The following ARHGAP32 variants were observed in gnomAD, a reference collection of about 807,000 sequenced individuals.
ARHGAP32 encodes rho GTPase-activating protein 32.
A neutral mutation model predicts 186.5 loss-of-function variants in ARHGAP32; 51 were observed. The observed-to-expected ratio is 0.27, with a 90% CI of 0.22 to 0.35. The LOEUF is 0.35. ARHGAP32 is among the 10% of genes least tolerant of loss of function. The probability of loss-of-function intolerance (pLI) is 1.00; values close to 1 mark genes in which losing one functional copy is unlikely to be tolerated. For missense variants in ARHGAP32, 2,186 were observed against 2,623.5 expected, an observed-to-expected ratio of 0.83 and a Z score of 3.64; for synonymous variants, 950 against 964.3, an observed-to-expected ratio of 0.99 and a Z score of 0.27.
chr11:129,043,335 G>A (rs887961453), intron 10 of ARHGAP32, among the ~76,000 whole-genome samples: 3 of 150,384 alleles, frequency 2.0e-5, no homozygotes, highest in African/African-American at 7.3e-5. Flanking sequence ...TTTCACTTGT[G>A]GTAAAGGCTC....
intron 5 of ARHGAP32, among the ~76,000 whole-genome samples, chr11:129,112,505 T>A (rs1482002836): frequency 6.6e-6 from 1 of 152,110 alleles, no homozygotes; most frequent in Non-Finnish European, 1.5e-5. Flanking sequence ...CACTTTCTCT[T>A]CACTTTCTGG....
intron 5 of ARHGAP32, among the ~76,000 whole-genome samples, chr11:129,102,825 T>C (rs952932660): frequency 6.6e-6 from 1 of 152,124 alleles, no homozygotes; most frequent in Non-Finnish European, 1.5e-5. Context: ...AGGAGAATTA[T>C]TATATGACCT....
chr11:129,265,566 C>T (rs1475564646), intron 1 of ARHGAP32, among the ~76,000 whole-genome samples: 8 of 152,068 alleles, frequency 5.3e-5, no homozygotes, highest in Admixed American at 3.9e-4. Context: ...TGAATCAATC[C>T]CCCACATAGT....
chr11:129,083,431 T>TGG (rs1479810098), intron 6 of ARHGAP32, among the ~76,000 whole-genome samples: 29 of 152,304 alleles, frequency 1.9e-4, no homozygotes, highest in African/African-American at 7.0e-4. Context: ...GCAACCTGGA[T>TGG]GGAGTTGAAG....
At chr11:129,210,352 C>T (rs1442760959) in intron 1 of ARHGAP32, among the ~76,000 whole-genome samples, 1 of 152,168 alleles carries the variant, frequency 6.6e-6, no homozygotes, top group Non-Finnish European at 1.5e-5. Flanking sequence ...GGGAAATTTT[C>T]ACACTGTATT....
chr11:129,248,179 C>T (rs748333325), intron 1 of ARHGAP32, among the ~76,000 whole-genome samples: 5 of 143,614 alleles, frequency 3.5e-5, no homozygotes, highest in Non-Finnish European at 7.5e-5. Flanking sequence ...GGCGTGGTGG[C>T]AGGCACCTGT....
chr11:129,126,174 G>A (rs913818766), intron 2 of ARHGAP32: 9 of 213,332 alleles, frequency 4.2e-5, no homozygotes, highest in African/African-American at 7.1e-5. Flanking sequence ...TAGAAAAAGC[G>A]TTGACAAACT....
intron 5 of ARHGAP32, among the ~76,000 whole-genome samples, chr11:129,117,257 T>TA (rs560537653): frequency 6.6e-6 from 1 of 151,986 alleles, no homozygotes; most frequent in East Asian, 1.9e-4. Flanking sequence ...AGTAAGTTCT[T>TA]AAACTCTTTT....
At chr11:129,065,098 T>G (rs1940641651) in intron 7 of ARHGAP32, among the ~76,000 whole-genome samples, 165 bp from the exon 8 acceptor site, 1 of 152,132 alleles carries the variant, frequency 6.6e-6, no homozygotes, top group Non-Finnish European at 1.5e-5. Flanking sequence ...GGCACTTACA[T>G]AGCAAGTCAG....
intron 9 of ARHGAP32, 60 bp from the exon 10 acceptor site, chr11:129,062,417 A>T: frequency 7.1e-7 from 1 of 1,401,688 alleles, no homozygotes; most frequent in South Asian, 1.2e-5. Context: ...CAATTGTTAT[A>T]CCTAGAATTT....
chr11:129,039,836 A>T (rs532243079), intron 11 of ARHGAP32, among the ~76,000 whole-genome samples: 2 of 152,348 alleles, frequency 1.3e-5, no homozygotes, highest in East Asian at 3.9e-4. Flanking sequence ...TTTTTAAAAA[A>T]GTTTACCCAA....
intron 2 of ARHGAP32, among the ~76,000 whole-genome samples, chr11:129,141,491 A>C (rs1164991387): frequency 6.6e-6 from 1 of 152,128 alleles, no homozygotes; most frequent in Non-Finnish European, 1.5e-5. Flanking sequence ...GGGATGGGGA[A>C]GGGACAGCAT....
At chr11:128,996,867 C>T (rs943401330) in intron 12 of ARHGAP32, among the ~76,000 whole-genome samples, 1 of 152,096 alleles carries the variant, frequency 6.6e-6, no homozygotes, top group African/African-American at 2.4e-5. Context: ...CCGACCCCCA[C>T]CTCCCAAGCT....
intron 11 of ARHGAP32, among the ~76,000 whole-genome samples, chr11:129,015,298 T>C (rs1466924059): frequency 1.3e-5 from 2 of 152,154 alleles, no homozygotes; most frequent in African/African-American, 4.8e-5. Flanking sequence ...GGGGTATGAC[T>C]GCCCTGGAAA....
chr11:129,074,136 A>G (rs1191233441), intron 6 of ARHGAP32, among the ~76,000 whole-genome samples: 1 of 152,248 alleles, frequency 6.6e-6, no homozygotes, highest in Non-Finnish European at 1.5e-5. Flanking sequence ...ACCTGTAGCT[A>G]CATAAAGAAT....
chr11:129,227,074 C>G (rs1380580673), intron 1 of ARHGAP32, among the ~76,000 whole-genome samples: 1 of 151,766 alleles, frequency 6.6e-6, no homozygotes, highest in East Asian at 1.9e-4. Flanking sequence ...TTAACGGGTA[C>G]ATGATGTATA....
chr11:129,235,471 T>G (rs576094935), intron 1 of ARHGAP32, among the ~76,000 whole-genome samples: 1 of 152,332 alleles, frequency 6.6e-6, no homozygotes, highest in East Asian at 1.9e-4. Flanking sequence ...GTTTGCACCA[T>G]TTTTGGTATT....
intron 2 of ARHGAP32, among the ~76,000 whole-genome samples, chr11:129,157,664 T>A (rs1359189122): frequency 2.0e-5 from 3 of 152,050 alleles, no homozygotes; most frequent in African/African-American, 7.2e-5. Context: ...CTTCAAGATA[T>A]TATCCAGGAG....
chr11:129,225,841 G>A (rs909557149), intron 1 of ARHGAP32, among the ~76,000 whole-genome samples: 8 of 152,030 alleles, frequency 5.3e-5, no homozygotes, highest in African/African-American at 9.7e-5. Context: ...TCTTAAATAC[G>A]TTCAAAGAAC....
Sources: gnomAD v4.1 joint callset for allele counts (sites outside exome capture counted in the v4.1 genomes callset) on GRCh38, gnomAD v4.1.1 for gene constraint, MANE v1.5 for transcripts, NCBI Gene and HGNC (gene_info 2026-07-23, HGNC 2026-07-21) for gene names.